The following PXDNL variants were observed in gnomAD, a reference collection of about 807,000 sequenced individuals.
The protein encoded by PXDNL is probable oxidoreductase PXDNL.
A neutral mutation model predicts 150.8 loss-of-function variants in PXDNL; 145 were observed. The ratio of observed to expected loss-of-function variants is 0.96; its 90% CI spans 0.84 to 1.10. The LOEUF (loss-of-function observed/expected upper bound fraction) is 1.10. Ranked by LOEUF, PXDNL falls within the 50% of genes least tolerant of loss-of-function variation. The pLI, the probability that PXDNL is intolerant of heterozygous loss-of-function variation, is 0.00. For missense variants in PXDNL, 2,087 were observed against 1,873.9 expected, an observed-to-expected ratio of 1.11 and a Z score of -2.10; for synonymous variants, 757 against 725.7, an observed-to-expected ratio of 1.04 and a Z score of -0.69.
chr8:51,323,116 A>G (rs1474820930), intron 21 of PXDNL, among the ~76,000 whole-genome samples: 2 of 152,200 alleles, frequency 1.3e-5, no homozygotes, highest in Non-Finnish European at 2.9e-5. Context: ...GATATTAATG[A>G]ATATGTCCTA....
chr8:51,556,852 G>A lies in PXDNL; in HGVS notation c.368C>T (p.Ser123Phe). 6.4e-7 allele frequency: 1 copy of A among 1,573,708 alleles called. No homozygotes were observed. Among genetic ancestry groups the A allele is most frequent in the Non-Finnish European group, 8.7e-7 (1 of 1,144,378 alleles). ...LDKQTFKGLI[S>F]LEHLYIHFNQ... ...TTCTATTACTTACAGATGTTCCAAA[G>A]ATATGAGTCCTTTAAATGTTTGCTT... Residue 123 changes from serine (S) to phenylalanine (F), a missense_variant, in exon 4 of 23, where the codon TCT becomes TTT. Transcript: ENST00000356297.
intron 5 of PXDNL, among the ~76,000 whole-genome samples, chr8:51,494,583 A>G (rs1810995781): frequency 6.6e-6 from 1 of 152,138 alleles, no homozygotes; most frequent in African/African-American, 2.4e-5. Context: ...GGATGGAAGA[A>G]GATCTACCAA....
intron 1 of PXDNL, among the ~76,000 whole-genome samples, chr8:51,747,308 T>G (rs1283455132): frequency 6.6e-6 from 1 of 152,204 alleles, no homozygotes; most frequent in African/African-American, 2.4e-5. Flanking sequence ...TAATTGTCAA[T>G]GTTATTTCAT....
chr8:51,366,006 G>T (rs1461428520), intron 19 of PXDNL, among the ~76,000 whole-genome samples: 2 of 152,134 alleles, frequency 1.3e-5, no homozygotes, highest in Admixed American at 6.5e-5. Context: ...AACAAAAGAA[G>T]GTTGCCCCTA....
intron 1 of PXDNL, among the ~76,000 whole-genome samples, chr8:51,778,290 T>A (rs1433796660): frequency 7.8e-6 from 1 of 128,220 alleles, no homozygotes; most frequent in Non-Finnish European, 1.7e-5. Flanking sequence ...AAAAAAAAAA[T>A]CAATAAATTA....
chr8:51,339,530 G>T, intron 21 of PXDNL, 94 bp downstream of exon 21: 2 of 1,250,748 alleles, frequency 1.6e-6, no homozygotes, highest in Non-Finnish European at 2.3e-6. Flanking sequence ...TTCTGATACT[G>T]TGCTGTAATT....
chr8:51,360,414 T>C (rs1806689225), intron 19 of PXDNL, among the ~76,000 whole-genome samples: 2 of 152,180 alleles, frequency 1.3e-5, no homozygotes, highest in Admixed American at 1.3e-4. Flanking sequence ...AACTTAAACA[T>C]GCATGTATCA....
At chr8:51,689,022 A>T (rs951176686) in intron 1 of PXDNL, among the ~76,000 whole-genome samples, 4 of 152,160 alleles carry the variant, frequency 2.6e-5, no homozygotes, top group Admixed American at 1.3e-4. Context: ...GCCATTAGGA[A>T]TCGGGAATCG....
intron 5 of PXDNL, among the ~76,000 whole-genome samples, chr8:51,494,607 A>G (rs7462106): frequency 0.48 from 72,847 of 151,464 alleles, 20,718 homozygotes; most frequent in Non-Finnish European, 0.63. Context: ...AATAGAAAAC[A>G]ACAAAAGGCA....
At chr8:51,487,087 C>T (rs10098585) in intron 5 of PXDNL, among the ~76,000 whole-genome samples, 2,154 of 151,790 alleles carry the variant, frequency 0.014, 49 homozygotes, top group African/African-American at 0.047. Context: ...GCCACCGCAC[C>T]CGGCCGAAAA....
intron 18 of PXDNL, 90 bp downstream of exon 18, chr8:51,374,507 T>C: frequency 7.3e-7 from 1 of 1,371,200 alleles, no homozygotes; most frequent in Middle Eastern, 2.4e-4. Flanking sequence ...CATTAAATCA[T>C]AAAAATATGA....
At chr8:51,592,494 G>A (rs551658486) in intron 3 of PXDNL, 133 bp downstream of exon 3, 300 of 598,356 alleles carry the variant, frequency 5.0e-4, no homozygotes, top group Non-Finnish European at 6.4e-4. Context: ...GTTCATATGT[G>A]AGTTTTATAT....
chr8:51,542,379 A>C (rs1417699015), intron 4 of PXDNL, among the ~76,000 whole-genome samples: 1 of 152,062 alleles, frequency 6.6e-6, no homozygotes, highest in Non-Finnish European at 1.5e-5. Flanking sequence ...CATACAATTC[A>C]TATGTTGAAA....
intron 1 of PXDNL, among the ~76,000 whole-genome samples, chr8:51,697,765 G>A (rs2130875757): frequency 6.6e-6 from 1 of 152,216 alleles, no homozygotes; most frequent in East Asian, 1.9e-4. Flanking sequence ...TCATTCTTTG[G>A]TCTCTTGGCT....
chr8:51,541,210 A>G (rs953235540), intron 4 of PXDNL, among the ~76,000 whole-genome samples: 7 of 147,166 alleles, frequency 4.8e-5, no homozygotes, highest in Non-Finnish European at 8.9e-5. Flanking sequence ...GTGAGCCAAG[A>G]TGGCACCGCT....
chr8:51,786,953 T>C (rs1384870465), intron 1 of PXDNL, among the ~76,000 whole-genome samples: 1 of 152,172 alleles, frequency 6.6e-6, no homozygotes, highest in Non-Finnish European at 1.5e-5. Flanking sequence ...TATTTACCCT[T>C]CTTAAGATCC....
At chr8:51,461,662 G>A (rs1482073083) in intron 8 of PXDNL, among the ~76,000 whole-genome samples, 1 of 152,214 alleles carries the variant, frequency 6.6e-6, no homozygotes, top group East Asian at 1.9e-4. Flanking sequence ...CTAGGGAGCT[G>A]CAAGTCTCGT....
At position 51,547,115 on chromosome 8, in the gene PXDNL, G is replaced by T. The variant is rs150426146; in HGVS notation, c.380+9725C>A. Among the ~76,000 whole-genome samples, 644 of 152,194 alleles carry T rather than the reference G, an allele frequency of 4.2e-3. 2 individuals carry two copies. The highest frequency in any genetic ancestry group is 6.7e-3 in the Non-Finnish European group (453 of 68,010). ...AAACTTTTGGGAGCTCTATGGCCCTGCCCATCACCTCAGAAACCTGAGTAC... is the reference window on the plus strand; with the variant it reads ...AAACTTTTGGGAGCTCTATGGCCCTTCCCATCACCTCAGAAACCTGAGTAC... On this transcript the variant is annotated intron_variant, in intron 4 of 22. Transcript: ENST00000356297.
intron 3 of PXDNL, among the ~76,000 whole-genome samples, chr8:51,565,321 A>AATAAATAG (rs569762504): frequency 0.021 from 2,788 of 135,364 alleles, 37 homozygotes; most frequent in African/African-American, 0.035. Context: ...TAAATAAATA[A>AATAAATAG]ATAGATAGAT....
Sources: allele counts gnomAD v4.1 joint callset (sites outside exome capture counted in the v4.1 genomes callset), GRCh38; gene constraint gnomAD v4.1.1; transcripts MANE v1.5; gene names NCBI Gene and HGNC (gene_info 2026-07-23, HGNC 2026-07-21).